The following TBC1D22A variants were observed in gnomAD, a reference collection of about 807,000 sequenced individuals.
TBC1D22A encodes the protein putative GTPase activator.
TBC1D22A carries 38 observed loss-of-function variants against 60.2 expected under a neutral mutation model. The ratio of observed to expected loss-of-function variants is 0.63; its 90% CI spans 0.49 to 0.83. The LOEUF is 0.83. Among genes scored for constraint, TBC1D22A ranks in the 40% least tolerant of loss-of-function variants. TBC1D22A has a pLI of 0.00. For missense variants in TBC1D22A, 628 were observed against 701.0 expected (o/e 0.90, Z 1.18); for synonymous variants, 302 against 281.7 (o/e 1.07, Z -0.72).
At chr22:46,835,421 A>T (rs1006382144) in intron 4 of TBC1D22A, among the ~76,000 whole-genome samples, 1 of 152,232 alleles carries the variant, frequency 6.6e-6, no homozygotes, top group African/African-American at 2.4e-5. Flanking sequence ...AACCAAACAA[A>T]TTCTGGAGCT....
chr22:47,103,235 G>A (rs1037705365), intron 11 of TBC1D22A, among the ~76,000 whole-genome samples: 1 of 152,180 alleles, frequency 6.6e-6, no homozygotes, highest in Non-Finnish European at 1.5e-5. Context: ...TTAGAATGAA[G>A]AAGGGGTCAC....
At chr22:47,048,938 A>T (rs2063115270) in intron 11 of TBC1D22A, among the ~76,000 whole-genome samples, 1 of 152,184 alleles carries the variant, frequency 6.6e-6, no homozygotes, top group East Asian at 1.9e-4. Context: ...CGTGGTAATG[A>T]CCTTCATTTT....
intron 7 of TBC1D22A, among the ~76,000 whole-genome samples, chr22:46,897,061 C>A (rs1885907578): frequency 1.3e-5 from 2 of 151,974 alleles, no homozygotes; most frequent in African/African-American, 4.8e-5. Flanking sequence ...TTTGAATTTC[C>A]CCTATGAAGC....
intron 5 of TBC1D22A, among the ~76,000 whole-genome samples, chr22:46,885,785 AAG>A (rs2068082371): frequency 6.6e-6 from 1 of 152,314 alleles, no homozygotes; most frequent in Admixed American, 6.5e-5. Flanking sequence ...ATCCCAGTGA[AAG>A]AGGCCTGATT....
rs1444239178 is a variant in TBC1D22A, at chr22:47,012,385, T to G, written c.1201+14676T>G. On this transcript the variant is annotated intron_variant, in intron 10 of 12. Coordinates refer to ENST00000337137, the MANE Select transcript of TBC1D22A (RefSeq NM_014346.5). ...AGCCCAGCACTGGTGCGTTCTTCTCTGTCCCCGTCCTGAACCTGCCAGGCT... is the reference window on the plus strand; with the variant it reads ...AGCCCAGCACTGGTGCGTTCTTCTCGGTCCCCGTCCTGAACCTGCCAGGCT... Among the ~76,000 whole-genome samples the G allele has an allele frequency of 3.9e-5, 6 of 152,166 alleles. No individual in the cohort carries two copies. In the East Asian group the frequency reaches 9.6e-4, roughly 24 times the overall value.
chr22:47,069,573 A>T (rs71313080), intron 11 of TBC1D22A, among the ~76,000 whole-genome samples: 1 of 151,708 alleles, frequency 6.6e-6, no homozygotes, highest in Non-Finnish European at 1.5e-5. Flanking sequence ...TGTTGTTTGG[A>T]TGGAGCGGAG....
intron 10 of TBC1D22A, among the ~76,000 whole-genome samples, chr22:47,005,037 A>G (rs1174493455): frequency 2.0e-5 from 3 of 151,720 alleles, no homozygotes; most frequent in Non-Finnish European, 4.4e-5. Flanking sequence ...AGACAGGCCT[A>G]TACACACCCA....
At chr22:46,994,273 C>G (rs2075045696) in intron 9 of TBC1D22A, among the ~76,000 whole-genome samples, 1 of 152,192 alleles carries the variant, frequency 6.6e-6, no homozygotes. Context: ...GTGGGAGAGC[C>G]ACCGAATGGC....
chr22:46,808,217 G>A (rs138971933), intron 4 of TBC1D22A, among the ~76,000 whole-genome samples: 417 of 152,194 alleles, frequency 2.7e-3, no homozygotes, highest in Middle Eastern at 6.8e-3. Flanking sequence ...AATTAGCCGG[G>A]CGTGATGGCA....
At chr22:46,927,102 A>G (rs1175709472) in intron 8 of TBC1D22A, among the ~76,000 whole-genome samples, 4 of 152,328 alleles carry the variant, frequency 2.6e-5, no homozygotes, top group Admixed American at 1.3e-4. Context: ...ACCTCATTCT[A>G]TGTGGCCGAT....
At chr22:47,130,246 C>T (rs993783261) in intron 12 of TBC1D22A, among the ~76,000 whole-genome samples, 1 of 152,208 alleles carries the variant, frequency 6.6e-6, no homozygotes, top group African/African-American at 2.4e-5. Context: ...GAGGAGCAGG[C>T]AGAGCAGGTG....
intron 11 of TBC1D22A, among the ~76,000 whole-genome samples, chr22:47,103,573 G>A (rs1000144431): frequency 6.6e-6 from 1 of 152,158 alleles, no homozygotes; most frequent in Non-Finnish European, 1.5e-5. Flanking sequence ...ATGGTGACAT[G>A]ATAGGAGCCC....
At chr22:47,024,835 C>A (rs561159426) in intron 10 of TBC1D22A, among the ~76,000 whole-genome samples, 25 of 151,998 alleles carry the variant, frequency 1.6e-4, no homozygotes, top group Non-Finnish European at 3.1e-4. Flanking sequence ...GGTGACAGAG[C>A]AACACCCTGT....
At chr22:46,915,780 C>T (rs1329377762) in intron 8 of TBC1D22A, 1 of 456,716 alleles carries the variant, frequency 2.2e-6, no homozygotes, top group Admixed American at 2.3e-5. Flanking sequence ...ATCCACAGAT[C>T]CTGGCCTGCC....
intron 4 of TBC1D22A, among the ~76,000 whole-genome samples, chr22:46,802,030 G>T (rs1472972549): frequency 6.6e-6 from 1 of 152,244 alleles, no homozygotes; most frequent in Non-Finnish European, 1.5e-5. Context: ...CTTGGAGTAG[G>T]CCCTCAGTGT....
intron 11 of TBC1D22A, 106 bp from the exon 12 acceptor site, chr22:47,111,402 C>T (rs2147721722): frequency 1.0e-6 from 1 of 989,350 alleles, no homozygotes; most frequent in Non-Finnish European, 1.5e-6. Context: ...GCTTTGGTTT[C>T]CTCTGAACCC....
chr22:46,958,027 A>C lies in TBC1D22A; in HGVS notation c.1016-16263A>C, dbSNP rs190736519. On this transcript the variant is annotated intron_variant, in intron 8 of 12. Transcript: ENST00000337137. ...TCCTGCATTTCTCGGGGGTTGGGGG[A>C]GTGATGGGGTAGGCCTGGGGGCTCC... 2.9e-3 allele frequency among the ~76,000 whole-genome samples: 431 copies of C among 149,798 alleles called. 1 individual carries two copies. The highest frequency in any genetic ancestry group is 4.4e-3 in the Non-Finnish European group (299 of 67,438).
At chr22:46,892,845 C>G (rs1283001153) in intron 6 of TBC1D22A, among the ~76,000 whole-genome samples, 1 of 152,160 alleles carries the variant, frequency 6.6e-6, no homozygotes, top group African/African-American at 2.4e-5. Context: ...TAAAAAGGTT[C>G]CAGATTATTG....
At chr22:46,782,707 G>C (rs2146811264) in intron 1 of TBC1D22A, among the ~76,000 whole-genome samples, 1 of 152,268 alleles carries the variant, frequency 6.6e-6, no homozygotes, top group South Asian at 2.1e-4. Flanking sequence ...GCCTGTTCTG[G>C]ATGTTGTATG....
Sources: gnomAD v4.1 joint callset for allele counts (sites outside exome capture counted in the v4.1 genomes callset) on GRCh38, gnomAD v4.1.1 for gene constraint, MANE v1.5 for transcripts, NCBI Gene and HGNC (gene_info 2026-07-23, HGNC 2026-07-21) for gene names.